HSPA13: variants seen among roughly 807,000 people sequenced by gnomAD.
HSPA13 encodes the protein heat shock 70 kDa protein 13.
Under a neutral mutation model 38.8 loss-of-function variants are expected in HSPA13, and 29 were observed. That is an observed-to-expected ratio of 0.75 (90% CI 0.56 to 1.02). The LOEUF (loss-of-function observed/expected upper bound fraction) is 1.02. Ranked by LOEUF, HSPA13 falls within the 50% of genes least tolerant of loss-of-function variation. The pLI, the probability that HSPA13 is intolerant of heterozygous loss-of-function variation, is 0.00. For missense variants in HSPA13, 451 were observed against 560.9 expected, an observed-to-expected ratio of 0.80 and a Z score of 1.98; for synonymous variants, 192 against 205.3, an observed-to-expected ratio of 0.94 and a Z score of 0.56.
Position 14,381,379 on chromosome 21 carries a change from G to T in HSPA13, c.190C>A (p.His64Asn). Residue 64 changes from histidine (H) to asparagine (N), a missense_variant, in exon 2 of 5, where the codon CAT becomes AAT. Coordinates refer to ENST00000285667, the MANE Select transcript of HSPA13 (RefSeq NM_006948.5). ...GACACCATGCTGGGTATGCTGATAT[G>T]CCCATTTTCATCTGGAATCACCTTT... ...KVKVIPDENG[H>N]ISIPSMVSFT... 6.2e-7 allele frequency: 1 copy of T among 1,614,082 alleles called. No homozygotes were observed. The highest frequency in any genetic ancestry group is 8.5e-7 in the Non-Finnish European group (1 of 1,180,000).
chr21:14,380,020 A>C (rs992801411), intron 2 of HSPA13, among the ~76,000 whole-genome samples: 2 of 152,134 alleles, frequency 1.3e-5, no homozygotes, highest in East Asian at 1.9e-4. Flanking sequence ...CAAAAAAAAA[A>C]ACAAAAACTA....
chr21:14,371,983 C>T lies in HSPA13; in HGVS notation c.*1634G>A, dbSNP rs1847231930. The T allele has an allele frequency of 6.6e-6, 1 of 152,516 alleles. No homozygotes were observed. Among genetic ancestry groups the T allele is most frequent in the South Asian group, 2.1e-4 (1 of 4,830 alleles). The allele number at this position is 152,516 out of a possible 1,614,324, so 9.4% of individuals were successfully genotyped here. On this transcript the variant is annotated 3_prime_UTR_variant, in exon 5 of 5. Coordinates refer to ENST00000285667, the MANE Select transcript of HSPA13 (RefSeq NM_006948.5). Reference sequence around the variant, plus strand: ...ACTTCAACAAACATTTTATACTTTTCTATCTACCTACTATACATATTTTCT... The same window carrying T: ...ACTTCAACAAACATTTTATACTTTTTTATCTACCTACTATACATATTTTCT...
Position 14,373,280 on chromosome 21 carries a change from A to C in HSPA13, c.*337T>G, listed in dbSNP as rs1275092835. On this transcript the variant is annotated 3_prime_UTR_variant, in exon 5 of 5. Transcript: ENST00000285667. The stretch of plus-strand genomic sequence containing the variant: ...AAGAACTGGGAATCTCATAACTGGC[A>C]CTACTTAATGTTTATAGAATATAAT... 1 of 190,632 alleles carries C rather than the reference A, an allele frequency of 5.2e-6. No individual in the cohort carries two copies. Among genetic ancestry groups the C allele is most frequent in the Non-Finnish European group, 1.1e-5 (1 of 91,372 alleles). 11.8% of individuals were successfully genotyped at this position (190,632 alleles called of 1,614,324 possible). A position where few individuals can be genotyped will look rare whatever the true frequency, so the allele number is the denominator to read the frequency against.
chr21:14,382,728 C>T (rs1207937884), intron 1 of HSPA13, among the ~76,000 whole-genome samples: 3 of 152,164 alleles, frequency 2.0e-5, no homozygotes, highest in Non-Finnish European at 4.4e-5. Context: ...AGCTCCTCCC[C>T]CTTCCTCCAC....
intron 3 of HSPA13, 24 bp downstream of exon 3, chr21:14,378,175 C>T (rs757259582): frequency 1.3e-6 from 2 of 1,570,562 alleles, no homozygotes; most frequent in Middle Eastern, 1.7e-4. Context: ...GAGAAAAATG[C>T]ATCTCAGTCA....
Position 14,371,123 on chromosome 21 carries a change from A to C in HSPA13, c.*2494T>G, listed in dbSNP as rs1471382400. On this transcript the variant is annotated 3_prime_UTR_variant, in exon 5 of 5. Coordinates refer to ENST00000285667, the MANE Select transcript of HSPA13 (RefSeq NM_006948.5). ...AATGAAAAAGTACATAGTTTAAAAA[A>C]CAAACTGCAAAATGGTATTTATTTA... 6.6e-6 allele frequency: 1 copy of C among 152,630 alleles called. No homozygotes were observed. The highest frequency in any genetic ancestry group is 1.5e-5 in the Non-Finnish European group (1 of 68,030). The allele number at this position is 152,630 out of a possible 1,614,324, so 9.5% of individuals were successfully genotyped here.
intron 3 of HSPA13, among the ~76,000 whole-genome samples, chr21:14,376,608 A>G (rs377518437): frequency 2.0e-5 from 3 of 152,130 alleles, no homozygotes; most frequent in East Asian, 1.9e-4. Context: ...ACAACATTCA[A>G]ACTCTAAAGA....
intron 3 of HSPA13, among the ~76,000 whole-genome samples, chr21:14,376,547 T>A (rs1174379428): frequency 2.0e-5 from 3 of 152,256 alleles, no homozygotes; most frequent in Admixed American, 6.5e-5. Flanking sequence ...CTAAATGCCA[T>A]ACTTATGAGC....
chr21:14,381,595 C>A, intron 1 of HSPA13, 52 bp from the exon 2 acceptor site: 1 of 1,406,594 alleles, frequency 7.1e-7, no homozygotes, highest in Non-Finnish European at 9.5e-7. Flanking sequence ...GTACAATGTA[C>A]TAAATTACTG....
Position 14,374,091 on chromosome 21 carries a change from C to T in HSPA13, c.942G>A (p.Glu314=). 6.2e-7 allele frequency: 1 copy of T among 1,614,136 alleles called. No homozygotes were observed. Among genetic ancestry groups the T allele is most frequent in the Non-Finnish European group, 8.5e-7 (1 of 1,180,014 alleles). The change falls in exon 5 of 5, where the codon GAG becomes GAA. Residue 314 remains glutamate (E), a synonymous_variant. Coordinates refer to ENST00000285667, the MANE Select transcript of HSPA13 (RefSeq NM_006948.5). The part of the protein sequence containing the change: ...SAQLSVLLTV[E]EQDRKEPHSS... ...TGTGAGGTTCCTTCCTGTCCTGCTCCTCCACCGTTAGTAATACTGACAACT... is the reference window on the plus strand; with the variant it reads ...TGTGAGGTTCCTTCCTGTCCTGCTCTTCCACCGTTAGTAATACTGACAACT...
rs1982868129 is a variant in HSPA13 at position 14,373,167 on chromosome 21, C to T, written c.*450G>A. 1 of 157,636 alleles carries T rather than the reference C, an allele frequency of 6.3e-6. No individual in the cohort carries two copies. Among genetic ancestry groups the T allele is most frequent in the Non-Finnish European group, 1.4e-5 (1 of 71,090 alleles). The allele number at this position is 157,636 out of a possible 1,614,324, so 9.8% of individuals were successfully genotyped here. A position where few individuals can be genotyped will look rare whatever the true frequency, so the allele number is the denominator to read the frequency against. The stretch of plus-strand genomic sequence containing the variant: ...TCTTCCAACCACTGTAAATACCTGA[C>T]ATCAACACGGTCCTTCAAGTATAGT... On this transcript the variant is annotated 3_prime_UTR_variant, in exon 5 of 5. Transcript: ENST00000285667.
In HSPA13 at chr21:14,372,481, T is replaced by C. The variant is rs1982850573; in HGVS notation, c.*1136A>G. 6.6e-6 allele frequency: 1 copy of C among 152,118 alleles called. No homozygotes were observed. The highest frequency in any genetic ancestry group is 1.5e-5 in the Non-Finnish European group (1 of 67,966). 9.4% of individuals were successfully genotyped at this position (152,118 alleles called of 1,614,324 possible). ...AACCTTGCCACAATGGCTTCCACAT[T>C]AGATTTCCACGTTACTTCCAGTATT... is the stretch of plus-strand genomic sequence containing the variant. On this transcript the variant is annotated 3_prime_UTR_variant, in exon 5 of 5. Transcript: ENST00000285667.
intron 3 of HSPA13, among the ~76,000 whole-genome samples, chr21:14,376,441 T>G (rs7282828): frequency 0.27 from 41,686 of 152,034 alleles, 6,149 homozygotes; most frequent in African/African-American, 0.39. Flanking sequence ...AAAAATTTAA[T>G]CATTATATAC....
intron 1 of HSPA13, among the ~76,000 whole-genome samples, chr21:14,381,808 T>C (rs966384215): frequency 1.3e-5 from 2 of 152,166 alleles, no homozygotes; most frequent in African/African-American, 2.4e-5. Context: ...CTAATAAATG[T>C]AATAAAATGT....
Position 14,381,410 on chromosome 21 carries a change from T to C in HSPA13, c.159A>G (p.Gly53=). The change falls in exon 2 of 5, where the codon GGA becomes GGG. Residue 53 remains glycine, a synonymous_variant. Coordinates refer to ENST00000285667, the MANE Select transcript of HSPA13 (RefSeq NM_006948.5). ...TTTCATCTGGAATCACCTTTACTTT[T>C]CCTGTGCCAGGAAAAAACACCCCAA... ...CSVGVFFPGT[G]KVKVIPDENG... is the part of the protein sequence containing the mutation. 6.2e-7 allele frequency: 1 copy of C among 1,614,106 alleles called. No individual in the cohort carries two copies. The highest frequency in any genetic ancestry group is 2.2e-5 in the East Asian group (1 of 44,868).
intron 2 of HSPA13, among the ~76,000 whole-genome samples, 190 bp from the exon 3 acceptor site, chr21:14,378,602 C>A (rs1984089217): frequency 1.3e-5 from 2 of 150,942 alleles, no homozygotes; most frequent in African/African-American, 4.9e-5. Flanking sequence ...AAAATCTGTA[C>A]AATGAATCCA....
intron 1 of HSPA13, 68 bp downstream of exon 1, chr21:14,383,027 C>T: frequency 6.4e-7 from 1 of 1,573,650 alleles, no homozygotes; most frequent in Non-Finnish European, 8.7e-7. Flanking sequence ...TCAACCACCC[C>T]TGCCCACTCT....
At chr21:14,380,526 A>T (rs13052705) in intron 2 of HSPA13, among the ~76,000 whole-genome samples, 12 of 152,148 alleles carry the variant, frequency 7.9e-5, no homozygotes, top group Non-Finnish European at 1.8e-4. Context: ...ACTAGCGAAG[A>T]TACAGCCACT....
At chr21:14,382,313 C>T (rs1481153620) in intron 1 of HSPA13, among the ~76,000 whole-genome samples, 3 of 151,228 alleles carry the variant, frequency 2.0e-5, no homozygotes, top group Non-Finnish European at 2.9e-5. Flanking sequence ...CCAACAAATA[C>T]TAATTTAAAA....
Sources: gnomAD v4.1 joint callset for allele counts (sites outside exome capture counted in the v4.1 genomes callset) on GRCh38, gnomAD v4.1.1 for gene constraint, MANE v1.5 for transcripts, NCBI Gene and HGNC (gene_info 2026-07-23, HGNC 2026-07-21) for gene names.